INTS6L: variants seen among roughly 807,000 people sequenced by gnomAD.
The protein encoded by INTS6L is integrator complex subunit 6 like.
INTS6L carries 18 observed loss-of-function variants against 64.7 expected under a neutral mutation model. That is an observed-to-expected ratio of 0.28 (90% CI 0.19 to 0.41). The LOEUF is 0.41. Among genes scored for constraint, INTS6L ranks in the 10% least tolerant of loss-of-function variants. The pLI, the probability that INTS6L is intolerant of heterozygous loss-of-function variation, is 1.00. For synonymous variants in INTS6L, 227 were observed against 235.9 expected (o/e 0.96, Z 0.34); for missense variants, 533 against 661.0 (o/e 0.81, Z 2.12).
At chrX:135,546,510 G>A (rs2148614324) in intron 4 of INTS6L, 41 bp downstream of exon 4, 7 of 1,042,175 alleles carry the variant, frequency 6.7e-6, no homozygotes, top group East Asian at 3.2e-5. Flanking sequence ...TAAATGGCAG[G>A]GAACATGCAG....
In INTS6L at chrX:135,546,821, A is replaced by G. The variant is rs782643833; in HGVS notation, c.549A>G (p.Pro183=). 2 of 1,211,740 alleles carry G rather than the reference A, an allele frequency of 1.7e-6. No homozygotes were observed. The highest frequency in any genetic ancestry group is 2.2e-6 in the Non-Finnish European group (2 of 895,410). ...LRLPGVASTE[P]EQLGSVPTDE... ...TGCCTGGAGTGGCTTCTACCGAACC[A>G]GAGCAACTAGGGAGCGTACCAACTG... Residue 183 remains proline, a synonymous_variant, in exon 5 of 18, where the codon CCA becomes CCG. Transcript: ENST00000639893.
intron 2 of INTS6L, among the ~76,000 whole-genome samples, chrX:135,537,051 C>G (rs932644944): frequency 8.9e-6 from 1 of 112,191 alleles, no homozygotes; most frequent in African/African-American, 3.2e-5. Context: ...CTGCAGAGAG[C>G]ATGCCAGTTT....
Position 135,556,187 on chromosome X carries a change from G to C in INTS6L, c.1079G>C (p.Gly360Ala), listed in dbSNP as rs782301999. ...TCWQVFVTSS[G>A]KYNELGYPFG... is the part of the protein sequence containing the mutation. ...TCTCAGGTATTTGTTACTAGCAGTG[G>C]AAAGTACAATGAACTTGGATATCCA... is the stretch of plus-strand genomic sequence containing the variant. The change falls in exon 9 of 18, where the codon GGA becomes GCA. Residue 360 changes from glycine to alanine, a missense_variant. Gly to Ala is a moderately conservative substitution (Grantham distance 60). Coordinates refer to ENST00000639893, the MANE Select transcript of INTS6L (RefSeq NM_001351601.3). 1 of 1,189,013 alleles carries C rather than the reference G, an allele frequency of 8.4e-7. No individual in the cohort carries two copies. The highest frequency in any genetic ancestry group is 1.1e-6 in the Non-Finnish European group (1 of 886,412).
chrX:135,545,012 TCAGA>T (rs1426806535), intron 2 of INTS6L, among the ~76,000 whole-genome samples: 6 of 111,824 alleles, frequency 5.4e-5, no homozygotes, highest in South Asian at 3.7e-4. Context: ...TTAATGTAGC[TCAGA>T]CAGTCAATAT....
intron 2 of INTS6L, among the ~76,000 whole-genome samples, chrX:135,526,416 G>C (rs2085739580): frequency 9.0e-6 from 1 of 111,427 alleles, no homozygotes; most frequent in Non-Finnish European, 1.9e-5. Context: ...TGGACCTCAG[G>C]CTTCACCCAC....
chrX:135,563,616 C>CAT lies in INTS6L; in HGVS notation c.1193-5718_1193-5717dup, dbSNP rs1556523203. Among the ~76,000 whole-genome samples the CAT allele has an allele frequency of 4.1e-4, 15 of 36,677 alleles. 2 individuals are homozygous for CAT. The highest frequency in any genetic ancestry group is 1.4e-3 in the African/African-American group (11 of 7,812). 31.8% of individuals were successfully genotyped at this position (36,677 alleles called of 115,157 possible). On this transcript the variant is annotated intron_variant, in intron 9 of 17. Coordinates refer to ENST00000639893, the MANE Select transcript of INTS6L (RefSeq NM_001351601.3). ...ATATGTATATACATATGTATATATC[C>CAT]ATATGTGTGTGTGTGTGTATATATA... is the stretch of plus-strand genomic sequence containing the variant.
chrX:135,564,476 C>T (rs1261103216), intron 9 of INTS6L, among the ~76,000 whole-genome samples: 1 of 110,902 alleles, frequency 9.0e-6, no homozygotes, highest in African/African-American at 3.3e-5. Flanking sequence ...ACCTTAATCA[C>T]AGCACTTTGG....
At chrX:135,537,184 GTGA>G (rs2086079860) in intron 2 of INTS6L, among the ~76,000 whole-genome samples, 1 of 111,837 alleles carries the variant, frequency 8.9e-6, no homozygotes, top group African/African-American at 3.3e-5. Flanking sequence ...CCTTCCTGTG[GTGA>G]TGTAAGTGGA....
intron 9 of INTS6L, among the ~76,000 whole-genome samples, chrX:135,559,042 TAAAG>T (rs2086715394): frequency 9.0e-6 from 1 of 111,400 alleles, no homozygotes; most frequent in Non-Finnish European, 1.9e-5. Context: ...CTTGGCCTCC[TAAAG>T]TGCTGGGATT....
intron 9 of INTS6L, among the ~76,000 whole-genome samples, chrX:135,568,262 A>G (rs1437767031): frequency 8.9e-6 from 1 of 111,867 alleles, no homozygotes; most frequent in Non-Finnish European, 1.9e-5. Flanking sequence ...TTAAGTGTGA[A>G]AAGATAGGGA....
rs369837264 is a variant in INTS6L at position 135,554,769 on chromosome X, G to C, written c.1060-1399G>C. On this transcript the variant is annotated intron_variant, in intron 8 of 17. Transcript: ENST00000639893. ...CCCCAGTACAACATATCAACTGTAA[G>C]GGGGCTGATGATACAGGAATCACAT... Among the ~76,000 whole-genome samples the C allele has an allele frequency of 2.7e-5, 3 of 110,576 alleles. No individual in the cohort carries two copies. The South Asian group carries it at 1.2e-3, about 43-fold the overall frequency.
chrX:135,581,532 A>G lies in INTS6L; in HGVS notation c.2593A>G (p.Lys865Glu). Residue 865 changes from lysine to glutamate, a missense_variant, in exon 18 of 18, where the codon AAA (lysine) becomes GAA (glutamate). Lys to Glu is a moderately conservative substitution (Grantham distance 56). Coordinates refer to ENST00000639893, the MANE Select transcript of INTS6L (RefSeq NM_001351601.3). ...EFTIKEAARF[K>E]RRVLIQYLEK... ...AAAATTTCTCTTTATTTTCAGGTTTAAAAGACGAGTCCTAATTCAGTACCT... is the reference window on the plus strand; with the variant it reads ...AAAATTTCTCTTTATTTTCAGGTTTGAAAGACGAGTCCTAATTCAGTACCT... The G allele has an allele frequency of 8.4e-7, 1 of 1,196,149 alleles. No individual in the cohort carries two copies. The highest frequency in any genetic ancestry group is 3.0e-5 in the East Asian group (1 of 33,709).
chrX:135,539,721 C>G (rs1158690170), intron 2 of INTS6L, among the ~76,000 whole-genome samples: 1 of 111,769 alleles, frequency 8.9e-6, no homozygotes, highest in East Asian at 2.8e-4. Context: ...TTCACTTGAA[C>G]GCTTAAGAGT....
At chrX:135,580,380 C>A (rs1318287878) in intron 16 of INTS6L, among the ~76,000 whole-genome samples, 2 of 112,434 alleles carry the variant, frequency 1.8e-5, no homozygotes, top group African/African-American at 6.5e-5. Flanking sequence ...GCTGCCGTAA[C>A]AAGTTATCAA....
chrX:135,553,068 G>A (rs1556517622), intron 8 of INTS6L, among the ~76,000 whole-genome samples: 1 of 112,333 alleles, frequency 8.9e-6, no homozygotes, highest in African/African-American at 3.2e-5. Flanking sequence ...AAGCAAGAAT[G>A]TAAAAGCACA....
intron 2 of INTS6L, among the ~76,000 whole-genome samples, chrX:135,540,741 T>TCC (rs1556512199): frequency 5.6e-5 from 4 of 71,006 alleles, no homozygotes; most frequent in African/African-American, 2.0e-4. Context: ...CCTCCTCCTC[T>TCC]TCCTCCCCCT....
intron 2 of INTS6L, among the ~76,000 whole-genome samples, chrX:135,530,490 G>A (rs782120382): frequency 2.7e-5 from 3 of 112,070 alleles, no homozygotes; most frequent in African/African-American, 3.2e-5. Context: ...CTGATATGCC[G>A]TCTTCACTTT....
chrX:135,559,873 T>C (rs1435516360), intron 9 of INTS6L, among the ~76,000 whole-genome samples: 1 of 112,311 alleles, frequency 8.9e-6, no homozygotes, highest in African/African-American at 3.2e-5. Context: ...TGGTTTTAAT[T>C]TGTATTTCCC....
chrX:135,563,589 A>G (rs898482468), intron 9 of INTS6L, among the ~76,000 whole-genome samples: 1 of 96,736 alleles, frequency 1.0e-5, no homozygotes, highest in African/African-American at 3.9e-5. Context: ...ATATACATAT[A>G]TATATGTATA....
Sources: gnomAD v4.1 joint callset for allele counts (sites outside exome capture counted in the v4.1 genomes callset) on GRCh38, gnomAD v4.1.1 for gene constraint, MANE v1.5 for transcripts, NCBI Gene and HGNC (gene_info 2026-07-23, HGNC 2026-07-21) for gene names.